PCDHGA4: variants seen among roughly 807,000 people sequenced by gnomAD.
The protein encoded by PCDHGA4 is protocadherin gamma subfamily A, 4.
In PCDHGA4, 38 loss-of-function variants were observed where a neutral mutation model predicts 54.6. That is an observed-to-expected ratio of 0.70 (90% CI 0.54 to 0.91). The LOEUF is 0.91. PCDHGA4 is among the 40% of genes least tolerant of loss of function. PCDHGA4 has a pLI of 0.00. For synonymous variants in PCDHGA4, 511 were observed against 512.9 expected, an observed-to-expected ratio of 1.00 and a Z score of 0.05; for missense variants, 1,298 against 1,220.9, an observed-to-expected ratio of 1.06 and a Z score of -0.94.
intron 1 of PCDHGA4, chr5:141,413,664 T>A: frequency 6.2e-7 from 1 of 1,613,858 alleles, no homozygotes; most frequent in Non-Finnish European, 8.5e-7. Flanking sequence ...AAGCTATTGA[T>A]CCGGATGTGG....
At position 141,364,431 on chromosome 5, in the gene PCDHGA4, C is replaced by T; in HGVS notation, c.2514+6810C>T. On this transcript the variant is annotated intron_variant, in intron 1 of 3. Coordinates refer to ENST00000571252, the MANE Select transcript of PCDHGA4 (RefSeq NM_018917.4). ...CCAGGATCCGGGCAGATCCGCTACT[C>T]GATGCCGGAGGAGCTGGACAAAGGC... 2.5e-6 allele frequency: 4 copies of T among 1,613,754 alleles called. No individual in the cohort carries two copies. The South Asian group carries it at 3.3e-5, about 13-fold the overall frequency.
At chr5:141,385,409 T>C in intron 1 of PCDHGA4, 1 of 1,478,112 alleles carries the variant, frequency 6.8e-7, no homozygotes, top group South Asian at 1.4e-5. Context: ...GTTTTGAAAA[T>C]AGGGATTTAA....
chr5:141,362,404 G>A, intron 1 of PCDHGA4: 1 of 1,614,000 alleles, frequency 6.2e-7, no homozygotes. Context: ...CCTGTGTGTT[G>A]CCTCACAATC....
chr5:141,405,994 C>T (rs2094743060), intron 1 of PCDHGA4, among the ~76,000 whole-genome samples: 1 of 151,930 alleles, frequency 6.6e-6, no homozygotes, highest in African/African-American at 2.4e-5. Context: ...GGGTAGCTCT[C>T]AGCCTGCATT....
At chr5:141,471,963 T>C (rs2024084) in intron 1 of PCDHGA4, among the ~76,000 whole-genome samples, 27,680 of 152,068 alleles carry the variant, frequency 0.18, 3,629 homozygotes, top group African/African-American at 0.37. Context: ...GTGGGGTTGG[T>C]TGCATTACTG....
chr5:141,357,280 G>T lies in PCDHGA4; in HGVS notation c.2173G>T (p.Val725Leu), dbSNP rs375096659. 9 of 1,613,820 alleles carry T rather than the reference G, an allele frequency of 5.6e-6. No homozygotes were observed. The highest frequency in any genetic ancestry group is 7.6e-6 in the Non-Finnish European group (9 of 1,179,854). The stretch of plus-strand genomic sequence containing the variant: ...CGACTCGGGCCTCACACTCTATCTC[G>T]TGGTGGCAGTGGCCGCTGTCTCCTG... ...PDDSGLTLYL[V>L]VAVAAVSCVF... The change falls in exon 1 of 4, where the codon GTG becomes TTG. Residue 725 changes from valine to leucine, a missense_variant. Coordinates refer to ENST00000571252, the MANE Select transcript of PCDHGA4 (RefSeq NM_018917.4).
At chr5:141,364,180 C>G (rs1476637020) in intron 1 of PCDHGA4, 2 of 899,976 alleles carry the variant, frequency 2.2e-6, no homozygotes, top group African/African-American at 3.4e-5. Context: ...TCTGCTCCCT[C>G]CATACTAAAC....
intron 1 of PCDHGA4, chr5:141,408,227 C>G (rs771279344): frequency 1.9e-6 from 3 of 1,562,978 alleles, no homozygotes; most frequent in East Asian, 2.4e-5. Context: ...CGCGCAGAGG[C>G]GCCGGGCCGG....
chr5:141,356,661 CACTT>C lies in PCDHGA4; in HGVS notation c.1558_1561del (p.Tyr520ProfsTer42). 1 of 1,614,052 alleles carries C rather than the reference CACTT, an allele frequency of 6.2e-7. No homozygotes were observed. The highest frequency in any genetic ancestry group is 1.3e-5 in the African/African-American group (1 of 75,056). ...CTGACAGTGGTGACAATGCCCGAATCACTTACTCCCTGGCCGAAGACACCTTCCA... is the reference window on the plus strand; with the variant it reads ...CTGACAGTGGTGACAATGCCCGAATCACTCCCTGGCCGAAGACACCTTCCA... On this transcript the variant is annotated frameshift_variant, in exon 1 of 4. Coordinates refer to ENST00000571252, the MANE Select transcript of PCDHGA4 (RefSeq NM_018917.4). LOFTEE classifies it high-confidence loss of function.
In PCDHGA4 at chr5:141,357,533, C is replaced by G; in HGVS notation, c.2426C>G (p.Thr809Arg). The G allele has an allele frequency of 6.2e-7, 1 of 1,614,194 alleles. No individual in the cohort carries two copies. Among genetic ancestry groups the G allele is most frequent in the Non-Finnish European group, 8.5e-7 (1 of 1,180,028 alleles). ...TTCTCCCAACCCAGCTATGCAGACA[C>G]GCTCATCAGCCGGGAGAGTTGTGAG... is the stretch of plus-strand genomic sequence containing the variant. ...LIFSQPSYADTLISRESCEKS... is the reference protein window; with the variant it reads ...LIFSQPSYADRLISRESCEKS... The change falls in exon 1 of 4, where the codon ACG (threonine) becomes AGG (arginine). Residue 809 changes from threonine (T) to arginine (R), a missense_variant. Thr to Arg is a moderately conservative substitution (Grantham distance 71). Coordinates refer to ENST00000571252, the MANE Select transcript of PCDHGA4 (RefSeq NM_018917.4).
At chr5:141,445,427 C>G (rs964779092) in intron 1 of PCDHGA4, among the ~76,000 whole-genome samples, 4 of 152,152 alleles carry the variant, frequency 2.6e-5, no homozygotes, top group African/African-American at 9.7e-5. Flanking sequence ...ATATGCAAGG[C>G]ACTGACCTAT....
chr5:141,501,902 C>G (rs2154593013), intron 2 of PCDHGA4, among the ~76,000 whole-genome samples: 1 of 152,202 alleles, frequency 6.6e-6, no homozygotes, highest in East Asian at 1.9e-4. Flanking sequence ...GGTTCCAACC[C>G]CACTGTTCCA....
intron 1 of PCDHGA4, chr5:141,371,847 G>C: frequency 6.2e-7 from 1 of 1,613,670 alleles, no homozygotes; most frequent in Non-Finnish European, 8.5e-7. Flanking sequence ...GGGACCTAAT[G>C]GCCTTGTCTC....
rs747585516 is a variant in PCDHGA4, at chr5:141,409,120, A to G, written c.2514+51499A>G. ...CAGGTATGATTAAGAATAACCAGTC[A>G]TTTGATTTTGAAGATGTAGAAAGGT... On this transcript the variant is annotated intron_variant, in intron 1 of 3. Transcript: ENST00000571252. 6 of 1,613,844 alleles carry G rather than the reference A, an allele frequency of 3.7e-6. No homozygotes were observed. The African/African-American group carries it at 8.0e-5, about 22-fold the overall frequency.
chr5:141,370,282 G>A, intron 1 of PCDHGA4: 2 of 938,864 alleles, frequency 2.1e-6, no homozygotes, highest in South Asian at 3.9e-5. Context: ...ACACCCATTA[G>A]AGAACCCAAG....
chr5:141,396,829 A>G (rs1216305888), intron 1 of PCDHGA4, among the ~76,000 whole-genome samples: 1 of 152,206 alleles, frequency 6.6e-6, no homozygotes, highest in African/African-American at 2.4e-5. Context: ...GTGCATATTC[A>G]GTGGAGTGGG....
intron 1 of PCDHGA4, chr5:141,468,351 A>G (rs1030472813): frequency 6.7e-6 from 1 of 149,192 alleles, no homozygotes; most frequent in Non-Finnish European, 1.5e-5. Context: ...AAAAAAAAAG[A>G]AAGAAAAAAG....
chr5:141,360,623 G>A, intron 1 of PCDHGA4: 1 of 1,613,970 alleles, frequency 6.2e-7, no homozygotes, highest in African/African-American at 1.3e-5. Flanking sequence ...TCAGATGTTG[G>A]TCCTAACTCA....
At chr5:141,372,494 A>T in intron 1 of PCDHGA4, 1 of 1,613,974 alleles carries the variant, frequency 6.2e-7, no homozygotes, top group Non-Finnish European at 8.5e-7. Flanking sequence ...CCTTGATCTC[A>T]GTGCTCTTCC....
Sources: gnomAD v4.1 joint callset for allele counts (sites outside exome capture counted in the v4.1 genomes callset) on GRCh38, gnomAD v4.1.1 for gene constraint, MANE v1.5 for transcripts, NCBI Gene and HGNC (gene_info 2026-07-23, HGNC 2026-07-21) for gene names.